The following MOB3B variants were observed in gnomAD, a reference collection of about 807,000 sequenced individuals.
MOB3B encodes the protein MOB kinase activator 3B, also known as MOB kinase activator-like 2B.
A neutral mutation model predicts 18.7 loss-of-function variants in MOB3B; 7 were observed. The observed-to-expected ratio is 0.37, with a 90% CI of 0.21 to 0.70. The LOEUF (loss-of-function observed/expected upper bound fraction) is 0.70, where lower values mean the gene tolerates loss of function less well. Among genes scored for constraint, MOB3B ranks in the 30% least tolerant of loss-of-function variants. The pLI is 0.52. For synonymous variants in MOB3B, 111 were observed against 99.9 expected (o/e 1.11, Z -0.66); for missense variants, 253 against 281.3 (o/e 0.90, Z 0.72).
At chr9:27,377,307 T>C (rs1310516963) in intron 2 of MOB3B, among the ~76,000 whole-genome samples, 4 of 152,218 alleles carry the variant, frequency 2.6e-5, no homozygotes, top group Admixed American at 2.6e-4. Context: ...GGCTTGGATT[T>C]AGATTACACC....
At position 27,480,466 on chromosome 9, in the gene MOB3B, A is replaced by AT. The variant is rs547634611; in HGVS notation, c.-198-24719dup. On this transcript the variant is annotated intron_variant, in intron 1 of 3. Coordinates refer to ENST00000262244, the MANE Select transcript of MOB3B (RefSeq NM_024761.5). Reference sequence around the variant, plus strand: ...AGGCACCCGCCACCATGCTCGGCTAATTTTTTGCATTTTTTAGTAGAGACG... The same window carrying AT: ...AGGCACCCGCCACCATGCTCGGCTAATTTTTTTGCATTTTTTAGTAGAGACG... 6.0e-4 allele frequency among the ~76,000 whole-genome samples: 92 copies of AT among 152,172 alleles called. No individual in the cohort carries two copies. The Middle Eastern group carries it at 0.014, about 23-fold the overall frequency.
At chr9:27,433,123 G>A (rs1402442887) in intron 2 of MOB3B, among the ~76,000 whole-genome samples, 1 of 151,018 alleles carries the variant, frequency 6.6e-6, no homozygotes, top group Non-Finnish European at 1.5e-5. Flanking sequence ...CAAATATGAA[G>A]ATACATATTT....
chr9:27,374,019 A>T (rs1045141340), intron 2 of MOB3B, among the ~76,000 whole-genome samples: 3 of 152,240 alleles, frequency 2.0e-5, no homozygotes, highest in African/African-American at 7.2e-5. Flanking sequence ...GGTTCAAATA[A>T]GGCAAATGCC....
At chr9:27,418,935 TAA>T (rs145696934) in intron 2 of MOB3B, among the ~76,000 whole-genome samples, 2 of 150,608 alleles carry the variant, frequency 1.3e-5, no homozygotes, top group South Asian at 2.1e-4. Flanking sequence ...CTAGAACTGA[TAA>T]AAAAAAATTC....
chr9:27,466,164 C>T (rs904893793), intron 1 of MOB3B, among the ~76,000 whole-genome samples: 2 of 152,184 alleles, frequency 1.3e-5, no homozygotes, highest in African/African-American at 4.8e-5. Flanking sequence ...ACCCAAGTTA[C>T]CTTCTGAAAG....
chr9:27,413,587 G>T (rs1468238484), intron 2 of MOB3B, among the ~76,000 whole-genome samples: 1 of 152,222 alleles, frequency 6.6e-6, no homozygotes, highest in Non-Finnish European at 1.5e-5. Context: ...GACTGGATTG[G>T]AGAGGGGAAA....
chr9:27,527,938 A>G (rs1238359430), intron 1 of MOB3B, among the ~76,000 whole-genome samples: 1 of 152,222 alleles, frequency 6.6e-6, no homozygotes, highest in Admixed American at 6.5e-5. Flanking sequence ...CTGCAACCCA[A>G]CAAGCGCACC....
intron 2 of MOB3B, among the ~76,000 whole-genome samples, chr9:27,450,042 A>G (rs1019783004): frequency 6.6e-6 from 1 of 152,024 alleles, no homozygotes; most frequent in Non-Finnish European, 1.5e-5. Flanking sequence ...CAACTCCCCA[A>G]CATCCCATGT....
At chr9:27,428,279 G>A (rs1222573214) in intron 2 of MOB3B, among the ~76,000 whole-genome samples, 7 of 152,126 alleles carry the variant, frequency 4.6e-5, no homozygotes, top group Admixed American at 4.6e-4. Context: ...ACCACCTAGG[G>A]AAATTGTTAA....
intron 2 of MOB3B, among the ~76,000 whole-genome samples, chr9:27,419,501 A>C (rs891524993): frequency 1.1e-4 from 17 of 152,106 alleles, no homozygotes; most frequent in African/African-American, 4.1e-4. Context: ...AATGAACCCA[A>C]ATACTTACAG....
chr9:27,524,277 G>A, intron 1 of MOB3B: 1 of 1,535,032 alleles, frequency 6.5e-7, no homozygotes, highest in Non-Finnish European at 8.8e-7. Context: ...GCACATGAAG[G>A]AAAACTCAAA....
intron 1 of MOB3B, among the ~76,000 whole-genome samples, chr9:27,504,238 A>C (rs1587264191): frequency 6.6e-6 from 1 of 152,210 alleles, no homozygotes. Flanking sequence ...CCTGTCCCCC[A>C]GTCCAGTGAT....
intron 2 of MOB3B, among the ~76,000 whole-genome samples, chr9:27,384,184 C>T (rs1821618889): frequency 1.3e-5 from 2 of 152,106 alleles, no homozygotes; most frequent in Admixed American, 6.6e-5. Flanking sequence ...CAGGGAAGCT[C>T]ATCTAGTAGG....
chr9:27,417,134 C>T (rs1822162341), intron 2 of MOB3B, among the ~76,000 whole-genome samples: 1 of 152,132 alleles, frequency 6.6e-6, no homozygotes, highest in African/African-American at 2.4e-5. Context: ...GAGGCCGAGG[C>T]AGGTGGATCA....
In MOB3B at chr9:27,358,960, A is replaced by T. The variant is rs185076212; in HGVS notation, c.621+74T>A. On this transcript the variant is annotated intron_variant, in intron 3 of 3. Transcript: ENST00000262244. ...AGCCATCAATGAGCATTTTCCAGGG[A>T]TTGACAATGCGCTCTGACAAATGGC... is the stretch of plus-strand genomic sequence containing the variant. 9.1e-3 allele frequency: 13,138 copies of T among 1,442,436 alleles called. 81 individuals are homozygous for T. Among genetic ancestry groups the T allele is most frequent in the Non-Finnish European group, 0.011 (10,876 of 1,024,370 alleles). 89.4% of individuals were successfully genotyped at this position (1,442,436 alleles called of 1,614,324 possible).
chr9:27,465,673 G>A (rs975995741), intron 1 of MOB3B, among the ~76,000 whole-genome samples: 7 of 152,148 alleles, frequency 4.6e-5, no homozygotes, highest in African/African-American at 9.7e-5. Context: ...GGGTATCCAG[G>A]CATGTCCACA....
chr9:27,475,958 T>C (rs926335599), intron 1 of MOB3B, among the ~76,000 whole-genome samples: 9 of 152,200 alleles, frequency 5.9e-5, no homozygotes, highest in African/African-American at 2.2e-4. Flanking sequence ...TTTAAAGATA[T>C]AAGTGAAATC....
intron 2 of MOB3B, among the ~76,000 whole-genome samples, chr9:27,370,518 AAAAAG>A (rs1821401772): frequency 6.6e-6 from 1 of 151,286 alleles, no homozygotes; most frequent in African/African-American, 2.4e-5. Context: ...CAGAAAAAAA[AAAAAG>A]AAAAAAAGAG....
chr9:27,457,884 A>G (rs1341584773), intron 1 of MOB3B, among the ~76,000 whole-genome samples: 2 of 152,144 alleles, frequency 1.3e-5, no homozygotes, highest in Admixed American at 6.5e-5. Context: ...GAATGGAGTG[A>G]TCTCTTTTCC....
Sources: gnomAD v4.1 joint callset for allele counts (sites outside exome capture counted in the v4.1 genomes callset) on GRCh38, gnomAD v4.1.1 for gene constraint, MANE v1.5 for transcripts, NCBI Gene and HGNC (gene_info 2026-07-23, HGNC 2026-07-21) for gene names.